Variants in CFAP299 observed in about 807,000 individuals in gnomAD.
The protein encoded by CFAP299 is cilia and flagella associated protein 299, also known as cilia- and flagella-associated protein 299.
Under a neutral mutation model 27.0 loss-of-function variants are expected in CFAP299, and 21 were observed. The ratio of observed to expected loss-of-function variants is 0.78; its 90% CI spans 0.55 to 1.12. The LOEUF (loss-of-function observed/expected upper bound fraction) is 1.12, where lower values mean the gene tolerates loss of function less well. CFAP299 is among the 50% of genes most tolerant of loss of function. The pLI is 0.00. For missense variants in CFAP299, 310 were observed against 276.6 expected, an observed-to-expected ratio of 1.12 and a Z score of -0.86; for synonymous variants, 104 against 98.1, an observed-to-expected ratio of 1.06 and a Z score of -0.36.
intron 3 of CFAP299, among the ~76,000 whole-genome samples, chr4:80,800,707 T>A (rs1271466434): frequency 9.0e-6 from 1 of 111,458 alleles, no homozygotes; most frequent in Non-Finnish European, 1.7e-5. Context: ...TATATATGAG[T>A]TTTTATGTAT....
At chr4:80,714,271 G>A (rs1464877542) in intron 3 of CFAP299, among the ~76,000 whole-genome samples, 3 of 152,062 alleles carry the variant, frequency 2.0e-5, no homozygotes, top group Non-Finnish European at 2.9e-5. Flanking sequence ...CCTGGGAAGG[G>A]CTGCTTTGTG....
chr4:80,874,742 G>A (rs1455313585), intron 4 of CFAP299, among the ~76,000 whole-genome samples: 1 of 151,942 alleles, frequency 6.6e-6, no homozygotes, highest in Non-Finnish European at 1.5e-5. Context: ...ATTTTGGAGG[G>A]GACACATTCA....
chr4:80,420,567 T>G (rs1727244109), intron 2 of CFAP299, among the ~76,000 whole-genome samples: 1 of 152,230 alleles, frequency 6.6e-6, no homozygotes, highest in African/African-American at 2.4e-5. Context: ...TTTGTATATC[T>G]TTTTAAGAAA....
intron 2 of CFAP299, among the ~76,000 whole-genome samples, chr4:80,519,403 C>T (rs1732791326): frequency 6.6e-6 from 1 of 152,066 alleles, no homozygotes; most frequent in African/African-American, 2.4e-5. Context: ...GACGGAGTTT[C>T]ACCATGTTGT....
intron 5 of CFAP299, among the ~76,000 whole-genome samples, chr4:80,950,660 T>A (rs1382035977): frequency 6.6e-6 from 1 of 152,076 alleles, no homozygotes. Context: ...GCAGAGGACC[T>A]CCTTGTGGCT....
At chr4:80,722,909 CA>C (rs75739402) in intron 3 of CFAP299, among the ~76,000 whole-genome samples, 5 of 150,410 alleles carry the variant, frequency 3.3e-5, no homozygotes, top group African/African-American at 4.9e-5. Flanking sequence ...AAAAACAAAA[CA>C]AAAAAAAATC....
At chr4:80,436,383 C>G (rs1728079105) in intron 2 of CFAP299, among the ~76,000 whole-genome samples, 1 of 151,274 alleles carries the variant, frequency 6.6e-6, no homozygotes, top group Non-Finnish European at 1.5e-5. Context: ...ACTGTAAGCT[C>G]CGCCTCACAG....
chr4:80,414,539 A>G (rs911910502), intron 2 of CFAP299, among the ~76,000 whole-genome samples: 2 of 152,238 alleles, frequency 1.3e-5, no homozygotes, highest in African/African-American at 4.8e-5. Flanking sequence ...AATAAAATGA[A>G]GCACAATAAT....
At chr4:80,800,933 C>A (rs114139962) in intron 3 of CFAP299, among the ~76,000 whole-genome samples, 6,980 of 150,542 alleles carry the variant, frequency 0.046, 358 homozygotes, top group African/African-American at 0.13. Flanking sequence ...TGAGGGCAGG[C>A]AGCATCTGTT....
intron 2 of CFAP299, among the ~76,000 whole-genome samples, chr4:80,580,525 G>A (rs992201981): frequency 2.6e-5 from 4 of 151,882 alleles, no homozygotes; most frequent in African/African-American, 7.3e-5. Flanking sequence ...GGAAGGTTTG[G>A]TTTTGAAGCT....
intron 3 of CFAP299, among the ~76,000 whole-genome samples, chr4:80,658,990 T>C (rs982987956): frequency 6.6e-6 from 1 of 152,118 alleles, no homozygotes; most frequent in Admixed American, 6.6e-5. Flanking sequence ...AGTGTTTTTC[T>C]CTACACAGAA....
chr4:80,396,409 A>G (rs1725796763), intron 2 of CFAP299, among the ~76,000 whole-genome samples: 1 of 152,182 alleles, frequency 6.6e-6, no homozygotes, highest in Non-Finnish European at 1.5e-5. Context: ...TCACTGAGAT[A>G]ATATGTGTAA....
chr4:80,491,062 A>C (rs146322129), intron 2 of CFAP299, among the ~76,000 whole-genome samples: 17 of 152,182 alleles, frequency 1.1e-4, no homozygotes, highest in Admixed American at 7.8e-4. Context: ...AAGTAAAAAT[A>C]TTCTAACACA....
chr4:80,403,744 T>C (rs547203372), intron 2 of CFAP299, among the ~76,000 whole-genome samples: 41 of 152,330 alleles, frequency 2.7e-4, no homozygotes, highest in African/African-American at 9.4e-4. Context: ...TTGATTAATA[T>C]ATGCAATGTT....
intron 3 of CFAP299, among the ~76,000 whole-genome samples, chr4:80,757,956 C>T (rs969391498): frequency 1.3e-5 from 2 of 152,104 alleles, no homozygotes; most frequent in Non-Finnish European, 2.9e-5. Flanking sequence ...GGAGCAAGCA[C>T]CTTTGGAACC....
chr4:80,517,895 G>A (rs1342550217), intron 2 of CFAP299, among the ~76,000 whole-genome samples: 1 of 152,200 alleles, frequency 6.6e-6, no homozygotes. Context: ...GGAGACACAG[G>A]TAGGCTCTTT....
chr4:80,507,551 A>G (rs920295665), intron 2 of CFAP299, among the ~76,000 whole-genome samples: 1 of 152,240 alleles, frequency 6.6e-6, no homozygotes, highest in South Asian at 2.1e-4. Context: ...GGAAGATTCA[A>G]TTTTAATTGA....
At chr4:80,386,426 C>T in intron 2 of CFAP299, 2 of 1,544,862 alleles carry the variant, frequency 1.3e-6, no homozygotes, top group South Asian at 1.2e-5. Flanking sequence ...TCTCCTCCAG[C>T]CCCAGCGGGT....
chr4:80,623,434 G>A (rs994189143), intron 3 of CFAP299, among the ~76,000 whole-genome samples: 2 of 152,072 alleles, frequency 1.3e-5, no homozygotes, highest in African/African-American at 4.8e-5. Context: ...GAAGAGATGG[G>A]TGGAACACGA....
Sources: allele counts gnomAD v4.1 joint callset (sites outside exome capture counted in the v4.1 genomes callset), GRCh38; gene constraint gnomAD v4.1.1; transcripts MANE v1.5; gene names NCBI Gene and HGNC (gene_info 2026-07-23, HGNC 2026-07-21).